HAVCR2: variants seen among roughly 807,000 people sequenced by gnomAD.
HAVCR2 encodes the protein T cell immunoglobulin mucin 3.
HAVCR2 carries 13 observed loss-of-function variants against 24.7 expected under a neutral mutation model. The ratio of observed to expected loss-of-function variants is 0.53; its 90% CI spans 0.34 to 0.84. The LOEUF (loss-of-function observed/expected upper bound fraction) is 0.84. Ranked by LOEUF, HAVCR2 falls within the 40% of genes least tolerant of loss-of-function variation. HAVCR2 has a pLI of 0.01. For synonymous variants in HAVCR2, 154 were observed against 143.4 expected (o/e 1.07, Z -0.53); for missense variants, 343 against 371.2 (o/e 0.92, Z 0.62).
At chr5:157,094,048 T>C (rs1030723218) in intron 5 of HAVCR2, among the ~76,000 whole-genome samples, 6 of 151,802 alleles carry the variant, frequency 4.0e-5, no homozygotes, top group African/African-American at 1.2e-4. Context: ...CTTCTTTTTT[T>C]TTTTTTTTTT....
intron 3 of HAVCR2, among the ~76,000 whole-genome samples, chr5:157,099,635 T>C (rs1369042188): frequency 6.6e-6 from 1 of 152,126 alleles, no homozygotes; most frequent in African/African-American, 2.4e-5. Context: ...AGTCTCACTC[T>C]GTTGCCCAGG....
chr5:157,097,633 C>T (rs776469083), intron 4 of HAVCR2, among the ~76,000 whole-genome samples: 17 of 151,984 alleles, frequency 1.1e-4, no homozygotes, highest in Non-Finnish European at 2.4e-4. Context: ...GAATTTCGCT[C>T]TTGTTGCCCA....
chr5:157,094,330 C>A (rs1212623674), intron 5 of HAVCR2, among the ~76,000 whole-genome samples: 1 of 152,046 alleles, frequency 6.6e-6, no homozygotes, highest in Non-Finnish European at 1.5e-5. Flanking sequence ...CAGGCATGAG[C>A]CACTGCACCT....
chr5:157,087,206 C>A lies in HAVCR2; in HGVS notation c.802G>T (p.Glu268Ter), dbSNP rs1228247548. Residue 268 changes from glutamate to a stop codon, truncating the protein, a stop_gained, in exon 7 of 7, where the codon GAA becomes TAA. Transcript: ENST00000307851. LOFTEE classifies it low-confidence loss of function (END_TRUNC). The stretch of plus-strand genomic sequence containing the variant: ...TCCTCCACTTCATATACGTTCTCTT[C>A]AATGGTATAGATGTTTTCTTCTGAG... ...IRSEENIYTI[E>*]ENVYEVEEPN... 6.2e-7 allele frequency: 1 copy of A among 1,614,056 alleles called. No individual in the cohort carries two copies.
At chr5:157,098,950 T>C (rs200876612) in intron 3 of HAVCR2, 49 bp from the exon 4 acceptor site, 75 of 1,544,830 alleles carry the variant, frequency 4.9e-5, no homozygotes, top group Non-Finnish European at 5.5e-5. Flanking sequence ...GCCAATAGTA[T>C]AGTTAAGAAC....
Position 157,099,997 on chromosome 5 carries a change from A to G in HAVCR2, c.479-1096T>C, listed in dbSNP as rs151220653. On this transcript the variant is annotated intron_variant, in intron 3 of 6. Transcript: ENST00000307851. ...AGGCGTGAGCCACCGTGCCGTGCCC[A>G]GCCTCCATTTTCTTAAATAAGTTTT... 6.9e-3 allele frequency among the ~76,000 whole-genome samples: 1,046 copies of G among 152,260 alleles called. 17 individuals carry two copies. Among genetic ancestry groups the G allele is most frequent in the African/African-American group, 0.024 (1,012 of 41,558 alleles).
At chr5:157,087,902 CAAAAAAAAAA>C (rs753842431) in intron 6 of HAVCR2, among the ~76,000 whole-genome samples, 1 of 88,892 alleles carries the variant, frequency 1.1e-5, no homozygotes, top group Non-Finnish European at 2.4e-5. Context: ...GACTCCGTCT[CAAAAAAAAAA>C]AAAAAAAATT....
rs138139756 is a variant in HAVCR2, at chr5:157,087,118, C to G, written c.890G>C (p.Arg297Pro). The change falls in exon 7 of 7, where the codon CGC becomes CCC. Residue 297 changes from arginine to proline, a missense_variant. Physicochemically the swap from Arg to Pro is moderately radical, Grantham distance 103. Coordinates refer to ENST00000307851, the MANE Select transcript of HAVCR2 (RefSeq NM_032782.5). ...RQQPSQPLGC[R>P]FAMP Reference sequence around the variant, plus strand: ...TGGTTGGATCTATGGCATTGCAAAGCGACAACCCAAAGGTTGTGAGGGTTG... The same window carrying G: ...TGGTTGGATCTATGGCATTGCAAAGGGACAACCCAAAGGTTGTGAGGGTTG... 2 of 1,612,758 alleles carry G rather than the reference C, an allele frequency of 1.2e-6. No homozygotes were observed. The highest frequency in any genetic ancestry group is 8.5e-7 in the Non-Finnish European group (1 of 1,179,658).
intron 6 of HAVCR2, among the ~76,000 whole-genome samples, chr5:157,088,625 G>C (rs1456085229): frequency 1.3e-5 from 2 of 152,170 alleles, no homozygotes; most frequent in African/African-American, 4.8e-5. Flanking sequence ...CCAGACCCTG[G>C]ATATAATAGG....
At chr5:157,093,712 C>T (rs1485400553) in intron 5 of HAVCR2, among the ~76,000 whole-genome samples, 2 of 152,068 alleles carry the variant, frequency 1.3e-5, no homozygotes, top group African/African-American at 4.8e-5. Context: ...ATTGGGAGGT[C>T]GAGGTGGACG....
At chr5:157,087,405 T>C in intron 6 of HAVCR2, 111 bp from the exon 7 acceptor site, 1 of 799,436 alleles carries the variant, frequency 1.3e-6, no homozygotes, top group Non-Finnish European at 1.9e-6. Flanking sequence ...GTGCATGATC[T>C]TTGATCAGAT....
At chr5:157,099,814 G>C (rs1256728606) in intron 3 of HAVCR2, among the ~76,000 whole-genome samples, 42 of 152,016 alleles carry the variant, frequency 2.8e-4, no homozygotes, top group Non-Finnish European at 2.9e-5. Context: ...TCCTGCCTCA[G>C]CCTCCCTGGT....
At chr5:157,090,122 C>CTTTTTTTTTTTTTTTTTTTTTT (rs869177923) in intron 5 of HAVCR2, among the ~76,000 whole-genome samples, 6 of 65,584 alleles carry the variant, frequency 9.1e-5, no homozygotes, top group Non-Finnish European at 1.1e-4. Flanking sequence ...CTTTTCTTTT[C>CTTTTTTTTTTTTTTTTTTTTTT]TTTTTTTTTT....
intron 4 of HAVCR2, among the ~76,000 whole-genome samples, chr5:157,097,382 G>A (rs1240739814): frequency 6.6e-6 from 1 of 151,092 alleles, no homozygotes; most frequent in Non-Finnish European, 1.5e-5. Context: ...AGCCTCCCAA[G>A]TAGCTGGAAC....
At chr5:157,091,751 C>A (rs926685688) in intron 5 of HAVCR2, among the ~76,000 whole-genome samples, 3 of 152,162 alleles carry the variant, frequency 2.0e-5, no homozygotes, top group African/African-American at 7.2e-5. Flanking sequence ...AGGATGAAGT[C>A]TTGGCCTAGG....
In HAVCR2 at chr5:157,087,209, T is replaced by C. The variant is rs750878664; in HGVS notation, c.799A>G (p.Ile267Val). 1.1e-5 allele frequency: 17 copies of C among 1,614,010 alleles called. No homozygotes were observed. The highest frequency in any genetic ancestry group is 1.4e-5 in the Non-Finnish European group (16 of 1,179,988). The change falls in exon 7 of 7, where the codon ATT (isoleucine) becomes GTT (valine). Residue 267 changes from isoleucine (I) to valine (V), a missense_variant. Ile to Val is a conservative substitution (Grantham distance 29, BLOSUM62 3). Coordinates refer to ENST00000307851, the MANE Select transcript of HAVCR2 (RefSeq NM_032782.5). ...TCCACTTCATATACGTTCTCTTCAA[T>C]GGTATAGATGTTTTCTTCTGAGCGA... is the stretch of plus-strand genomic sequence containing the variant. ...GIRSEENIYT[I>V]EENVYEVEEP...
In HAVCR2 at chr5:157,106,791, T is replaced by C. The variant is rs1757258438; in HGVS notation, c.230A>G (p.Tyr77Cys). ...ATTTAGCCAGTATCTGGATGTCCAA[T>C]AATTCACATCCCTTTCATCAGTCCT... The part of the protein sequence containing the change: ...VLRTDERDVN[Y>C]WTSRYWLNGD... Residue 77 changes from tyrosine (Y) to cysteine (C), a missense_variant, in exon 2 of 7, where the codon TAT becomes TGT. Transcript: ENST00000307851. 6.2e-7 allele frequency: 1 copy of C among 1,614,100 alleles called. No individual in the cohort carries two copies. The highest frequency in any genetic ancestry group is 1.7e-5 in the Admixed American group (1 of 60,000).
intron 6 of HAVCR2, among the ~76,000 whole-genome samples, chr5:157,088,103 T>C (rs2113683188): frequency 6.6e-6 from 1 of 152,142 alleles, no homozygotes; most frequent in South Asian, 2.1e-4. Context: ...AGAGAAGAGG[T>C]CTCATCATGT....
chr5:157,106,429 C>G (rs1757252841), intron 2 of HAVCR2, 198 bp downstream of exon 2: 2 of 584,520 alleles, frequency 3.4e-6, no homozygotes, highest in Non-Finnish European at 6.1e-6. Context: ...CACGCCCAGG[C>G]ACACCCATGA....
Sources: gnomAD v4.1 joint callset for allele counts (sites outside exome capture counted in the v4.1 genomes callset) on GRCh38, gnomAD v4.1.1 for gene constraint, MANE v1.5 for transcripts, NCBI Gene and HGNC (gene_info 2026-07-23, HGNC 2026-07-21) for gene names.